The following SNX6 variants were observed in gnomAD, a reference collection of about 807,000 sequenced individuals.
SNX6 encodes sorting nexin-6.
In SNX6, 34 loss-of-function variants were observed where a neutral mutation model predicts 63.0. The observed-to-expected ratio is 0.54, with a 90% CI of 0.41 to 0.72. The LOEUF is 0.72. Ranked by LOEUF, SNX6 falls within the 30% of genes least tolerant of loss-of-function variation. The pLI is 0.00. For synonymous variants in SNX6, 170 were observed against 164.2 expected (o/e 1.04, Z -0.27); for missense variants, 398 against 471.4 (o/e 0.84, Z 1.44).
chr14:34,580,359 C>T (rs1172095109), intron 10 of SNX6, among the ~76,000 whole-genome samples: 1 of 151,952 alleles, frequency 6.6e-6, no homozygotes, highest in Admixed American at 6.6e-5. Context: ...CTGGAGTACA[C>T]TGGCACAATC....
chr14:34,625,984 C>A (rs1463535538), intron 2 of SNX6, among the ~76,000 whole-genome samples: 2 of 152,206 alleles, frequency 1.3e-5, no homozygotes, highest in South Asian at 4.1e-4. Context: ...GTTTTAAAGT[C>A]CAGCTCTCCC....
chr14:34,614,251 AC>A (rs1282677590), intron 2 of SNX6, among the ~76,000 whole-genome samples: 1 of 151,802 alleles, frequency 6.6e-6, no homozygotes, highest in Non-Finnish European at 1.5e-5. Flanking sequence ...ACATGGCAAA[AC>A]CCCATCTCTA....
chr14:34,581,717 C>CAAT, intron 9 of SNX6, 117 bp from the exon 10 acceptor site: 1 of 554,436 alleles, frequency 1.8e-6, no homozygotes, highest in Non-Finnish European at 3.3e-6. Flanking sequence ...CAGTTATATT[C>CAAT]AATAGCCTTA....
At chr14:34,587,610 C>G (rs1010349376) in intron 8 of SNX6, among the ~76,000 whole-genome samples, 1 of 149,900 alleles carries the variant, frequency 6.7e-6, no homozygotes, top group East Asian at 1.9e-4. Context: ...GAGCTAGACT[C>G]CATCTCAAAA....
chr14:34,589,183 C>G (rs905016781), intron 8 of SNX6, among the ~76,000 whole-genome samples: 1 of 151,972 alleles, frequency 6.6e-6, no homozygotes, highest in African/African-American at 2.4e-5. Flanking sequence ...GGGCTGAGGG[C>G]GGTGGCTCAC....
intron 2 of SNX6, among the ~76,000 whole-genome samples, chr14:34,627,869 C>T (rs2138399060): frequency 6.6e-6 from 1 of 152,246 alleles, no homozygotes; most frequent in Non-Finnish European, 1.5e-5. Flanking sequence ...AATCCTCTTG[C>T]CTCGGCCTCC....
intron 10 of SNX6, among the ~76,000 whole-genome samples, chr14:34,577,563 T>A (rs1434754147): frequency 6.6e-6 from 1 of 152,054 alleles, no homozygotes; most frequent in African/African-American, 2.4e-5. Flanking sequence ...AGAAGTGGTA[T>A]GTTTGAGGTG....
chr14:34,608,165 A>G (rs1176999406), intron 3 of SNX6, 25 bp from the exon 4 acceptor site: 1 of 1,390,014 alleles, frequency 7.2e-7, no homozygotes, highest in East Asian at 2.3e-5. Flanking sequence ...ATTTTCTTGA[A>G]TAAAAATCAA....
chr14:34,579,446 C>G (rs924994213), intron 10 of SNX6, among the ~76,000 whole-genome samples: 1 of 151,392 alleles, frequency 6.6e-6, no homozygotes, highest in Admixed American at 6.6e-5. Context: ...GTGAGACTCC[C>G]TCTCTACAAA....
intron 6 of SNX6, among the ~76,000 whole-genome samples, chr14:34,601,215 ATTTCTTTTTTTT>A (rs1366663694): frequency 1.3e-5 from 1 of 77,660 alleles, no homozygotes; most frequent in Non-Finnish European, 2.6e-5. Flanking sequence ...TGATAACCCT[ATTTCTTTTTTTT>A]TTTTTTTTTT....
Position 34,581,590 on chromosome 14 carries a change from T to C in SNX6, c.805A>G (p.Lys269Glu). 6.7e-7 allele frequency: 1 copy of C among 1,482,042 alleles called. No homozygotes were observed. The highest frequency in any genetic ancestry group is 1.7e-5 in the Admixed American group (1 of 58,708). 91.8% of individuals were successfully genotyped at this position (1,482,042 alleles called of 1,614,324 possible). ...GTTTTATCGAACAGTTCTGAAACTT[T>C]GAGAAAAAACCTGGAAAGGAAAATA... is the stretch of plus-strand genomic sequence containing the variant. ...DSTDICKFFL[K>E]VSELFDKTRK... is the part of the protein sequence containing the mutation. The change falls in exon 10 of 14, where the codon AAA becomes GAA. Residue 269 changes from lysine to glutamate, a missense_variant. Transcript: ENST00000362031.
chr14:34,615,388 ATTAT>A (rs765619027), intron 2 of SNX6, among the ~76,000 whole-genome samples: 53 of 152,056 alleles, frequency 3.5e-4, no homozygotes, highest in Non-Finnish European at 8.8e-5. Context: ...CATCTGGCTA[ATTAT>A]TATTATTTTT....
intron 4 of SNX6, among the ~76,000 whole-genome samples, chr14:34,606,451 TTC>T (rs959241160): frequency 1.4e-4 from 7 of 50,734 alleles, no homozygotes; most frequent in South Asian, 1.3e-3. Context: ...CTTCCAACTC[TTC>T]TTTTTTTTTT....
chr14:34,595,273 G>A (rs1316379014), intron 7 of SNX6, among the ~76,000 whole-genome samples: 1 of 152,090 alleles, frequency 6.6e-6, no homozygotes, highest in African/African-American at 2.4e-5. Context: ...GAGTAGCTGG[G>A]ATTACAGCCA....
chr14:34,574,661 A>G (rs577434934), intron 11 of SNX6, among the ~76,000 whole-genome samples: 3 of 151,626 alleles, frequency 2.0e-5, no homozygotes, highest in Non-Finnish European at 4.4e-5. Flanking sequence ...TCCTTTAGCA[A>G]TACAACTGTT....
chr14:34,606,105 C>T (rs921520294), intron 4 of SNX6, among the ~76,000 whole-genome samples: 18 of 150,900 alleles, frequency 1.2e-4, no homozygotes, highest in South Asian at 4.2e-4. Flanking sequence ...ACCTGGGAGT[C>T]GGAGGTTGCA....
In SNX6 at chr14:34,578,457, C is replaced by A. The variant is rs1021917192; in HGVS notation, c.835-2615G>T. ...GGCCAGCCTGGCCAACATGGTGAAA[C>A]CCATCTCTACTAAAGTACAAAAATT... On this transcript the variant is annotated intron_variant, in intron 10 of 13. Coordinates refer to ENST00000362031, the MANE Select transcript of SNX6 (RefSeq NM_152233.4). 2.4e-4 allele frequency among the ~76,000 whole-genome samples: 37 copies of A among 151,248 alleles called. No homozygotes were observed. In the Admixed American group the frequency reaches 2.5e-3, roughly 10 times the overall value.
At chr14:34,565,934 C>G (rs1348639112) in intron 13 of SNX6, among the ~76,000 whole-genome samples, 3 of 151,122 alleles carry the variant, frequency 2.0e-5, no homozygotes, top group East Asian at 2.0e-4. Flanking sequence ...CGTGATCCAC[C>G]CGCCTCGGCC....
At chr14:34,628,329 G>T (rs944893735) in intron 2 of SNX6, among the ~76,000 whole-genome samples, 14 of 152,232 alleles carry the variant, frequency 9.2e-5, no homozygotes, top group Non-Finnish European at 1.5e-4. Flanking sequence ...CGTGGTGGCG[G>T]GCGCCTGTAG....
Sources: allele counts gnomAD v4.1 joint callset (sites outside exome capture counted in the v4.1 genomes callset), GRCh38; gene constraint gnomAD v4.1.1; transcripts MANE v1.5; gene names NCBI Gene and HGNC (gene_info 2026-07-23, HGNC 2026-07-21).